Variants in COL19A1 observed in about 807,000 individuals in gnomAD.
The protein encoded by COL19A1 is collagen type XIX alpha 1 chain, also known as collagen alpha-1(XIX) chain.
COL19A1 carries 159 observed loss-of-function variants against 190.2 expected under a neutral mutation model. The ratio of observed to expected loss-of-function variants is 0.84; its 90% confidence interval spans 0.73 to 0.95. COL19A1 has a LOEUF of 0.95. Ranked by LOEUF, COL19A1 falls within the 40% of genes least tolerant of loss-of-function variation. The pLI is 0.00. For synonymous variants in COL19A1, 509 were observed against 458.9 expected (o/e 1.11, Z -1.39); for missense variants, 1,418 against 1,431.9 (o/e 0.99, Z 0.16).
intron 31 of COL19A1, among the ~76,000 whole-genome samples, chr6:70,154,150 T>G (rs1353182786): frequency 1.1e-5 from 1 of 88,168 alleles, no homozygotes; most frequent in Non-Finnish European, 2.0e-5. Flanking sequence ...GATGTTCCCC[T>G]CCCTGTGTCC....
chr6:70,064,162 G>A (rs1781027225), intron 14 of COL19A1, among the ~76,000 whole-genome samples: 1 of 152,116 alleles, frequency 6.6e-6, no homozygotes, highest in Non-Finnish European at 1.5e-5. Flanking sequence ...AAGCCTGGCA[G>A]AGACACAACA....
Position 70,047,545 on chromosome 6 carries a change from G to A in COL19A1, c.1170+11606G>A, listed in dbSNP as rs546255907. 7.9e-4 allele frequency among the ~76,000 whole-genome samples: 120 copies of A among 152,010 alleles called. No homozygotes were observed. In the Middle Eastern group the frequency reaches 0.017, roughly 22 times the overall value. ...GCATTTTATATTAGCTTTTCCTCTC[G>A]TGTTGAAATATTAGTTGTAAATCAT... On this transcript the variant is annotated intron_variant, in intron 14 of 50. Transcript: ENST00000620364.
chr6:70,176,260 A>T (rs551713067), intron 41 of COL19A1, among the ~76,000 whole-genome samples: 16 of 152,294 alleles, frequency 1.1e-4, no homozygotes, highest in African/African-American at 3.4e-4. Flanking sequence ...CACAGAAATG[A>T]TTATGCTTGC....
intron 10 of COL19A1, 113 bp from the exon 11 acceptor site, chr6:69,962,713 G>T: frequency 1.6e-6 from 1 of 617,836 alleles, no homozygotes; most frequent in Non-Finnish European, 2.6e-6. Context: ...GTTAGAAATG[G>T]TTATTTACAA....
intron 12 of COL19A1, among the ~76,000 whole-genome samples, chr6:70,029,444 A>G (rs892643762): frequency 4.6e-5 from 7 of 152,140 alleles, no homozygotes; most frequent in African/African-American, 1.4e-4. Context: ...ATCTTTATGT[A>G]CATGAATTTG....
At chr6:70,068,954 T>A (rs1461946237) in intron 15 of COL19A1, among the ~76,000 whole-genome samples, 1 of 152,146 alleles carries the variant, frequency 6.6e-6, no homozygotes, top group South Asian at 2.1e-4. Context: ...GAATTGGTAG[T>A]AGAGCAATAA....
At chr6:70,168,268 A>G in intron 39 of COL19A1, 53 bp downstream of exon 39, 1 of 1,567,472 alleles carries the variant, frequency 6.4e-7, no homozygotes, top group Non-Finnish European at 8.7e-7. Flanking sequence ...ACCACAATGA[A>G]AAACAAACAA....
chr6:69,899,165 A>AC, intron 3 of COL19A1, 143 bp downstream of exon 3: 1 of 425,914 alleles, frequency 2.3e-6, no homozygotes, highest in African/African-American at 2.2e-5. Flanking sequence ...ATTCTTTTTA[A>AC]TTTTTTTTTT....
intron 11 of COL19A1, among the ~76,000 whole-genome samples, chr6:69,973,091 G>A (rs1775524609): frequency 1.3e-5 from 2 of 152,202 alleles, no homozygotes; most frequent in East Asian, 1.9e-4. Flanking sequence ...TTTATGTAAT[G>A]ATTAAGGCAA....
At chr6:69,874,659 G>A (rs571340291) in intron 1 of COL19A1, among the ~76,000 whole-genome samples, 1 of 152,236 alleles carries the variant, frequency 6.6e-6, no homozygotes, top group African/African-American at 2.4e-5. Context: ...GCTGAGGCAG[G>A]AGAATGGTGT....
intron 6 of COL19A1, among the ~76,000 whole-genome samples, chr6:69,931,968 G>A (rs753208921): frequency 1.3e-5 from 2 of 151,972 alleles, no homozygotes; most frequent in Non-Finnish European, 2.9e-5. Flanking sequence ...TCTGTATAAA[G>A]TACTTATTGA....
At chr6:69,982,439 C>A (rs368377812) in intron 11 of COL19A1, among the ~76,000 whole-genome samples, 12 of 152,004 alleles carry the variant, frequency 7.9e-5, no homozygotes, top group African/African-American at 2.9e-4. Context: ...TGGGGTTTCA[C>A]TATGTTGGCC....
intron 14 of COL19A1, among the ~76,000 whole-genome samples, chr6:70,052,717 G>T (rs1250626593): frequency 6.6e-6 from 1 of 152,048 alleles, no homozygotes; most frequent in East Asian, 1.9e-4. Flanking sequence ...TGATAATATT[G>T]ACCTGAATCC....
chr6:69,920,880 T>C (rs1196726282), intron 4 of COL19A1, among the ~76,000 whole-genome samples: 4 of 146,532 alleles, frequency 2.7e-5, no homozygotes, highest in African/African-American at 7.6e-5. Context: ...AAACATCCCA[T>C]TGAGAATTTC....
intron 3 of COL19A1, 59 bp from the exon 4 acceptor site, chr6:69,900,180 G>A: frequency 8.7e-7 from 1 of 1,144,960 alleles, no homozygotes; most frequent in South Asian, 1.7e-5. Flanking sequence ...ACAAAATTCT[G>A]TTTAGAAATT....
intron 9 of COL19A1, among the ~76,000 whole-genome samples, chr6:69,941,613 C>T (rs1408819400): frequency 2.0e-5 from 3 of 151,602 alleles, no homozygotes. Context: ...AATAAGTTGA[C>T]TATTTCATTC....
chr6:69,892,626 G>C (rs867919104), intron 2 of COL19A1, among the ~76,000 whole-genome samples: 3 of 152,196 alleles, frequency 2.0e-5, no homozygotes, highest in Middle Eastern at 3.4e-3. Context: ...CCCAGCCATG[G>C]GTTTATCCTC....
intron 14 of COL19A1, among the ~76,000 whole-genome samples, chr6:70,058,795 A>G (rs1423578491): frequency 6.6e-6 from 1 of 152,046 alleles, no homozygotes; most frequent in Non-Finnish European, 1.5e-5. Context: ...AAAAAAAATT[A>G]TGGCACTAAT....
chr6:70,116,307 A>C (rs1013176253), intron 16 of COL19A1, among the ~76,000 whole-genome samples: 17 of 152,164 alleles, frequency 1.1e-4, no homozygotes, highest in Non-Finnish European at 2.2e-4. Flanking sequence ...ACAAACAAAA[A>C]AATGGCTTTC....
Sources: gnomAD v4.1 joint callset for allele counts (sites outside exome capture counted in the v4.1 genomes callset) on GRCh38, gnomAD v4.1.1 for gene constraint, MANE v1.5 for transcripts, NCBI Gene and HGNC (gene_info 2026-07-23, HGNC 2026-07-21) for gene names.